CIMIP6: variants seen among roughly 807,000 people sequenced by gnomAD.
The protein encoded by CIMIP6 is uncharacterized protein C2orf73.
chr2:54,357,577 CTTTTT>C, the CIMIP6 span, among the ~76,000 whole-genome samples: 2 of 115,658 alleles, frequency 1.7e-5, no homozygotes, highest in Admixed American at 8.9e-5. Context: ...CTCTTACGTA[CTTTTT>C]TTTTTTTTTT....
At chr2:54,344,008 T>C in the CIMIP6 span, 2 of 825,848 alleles carry the variant, frequency 2.4e-6, no homozygotes, top group Non-Finnish European at 1.7e-6. Context: ...ACACAGCAAA[T>C]ACAGCCCTTG....
chr2:54,369,500 A>G, the CIMIP6 span, among the ~76,000 whole-genome samples: 1 of 152,218 alleles, frequency 6.6e-6, no homozygotes, highest in South Asian at 2.1e-4. Context: ...TCACATTAAG[A>G]AAGAAAACTG....
At chr2:54,372,810 G>T in the CIMIP6 span, among the ~76,000 whole-genome samples, 1 of 152,208 alleles carries the variant, frequency 6.6e-6, no homozygotes, top group Admixed American at 6.5e-5. Flanking sequence ...TAACAAAGTG[G>T]TGGTGTTTGC....
chr2:54,354,178 T>C, the CIMIP6 span, among the ~76,000 whole-genome samples: 1,179 of 152,290 alleles, frequency 7.7e-3, 21 homozygotes, highest in African/African-American at 0.027. Context: ...TGAGTTTGTC[T>C]GCAAGCTCTC....
the CIMIP6 span, among the ~76,000 whole-genome samples, chr2:54,357,534 T>C: frequency 6.6e-6 from 1 of 151,656 alleles, no homozygotes; most frequent in African/African-American, 2.4e-5. Flanking sequence ...GTTTGTTACA[T>C]AGCATTTCAC....
At chr2:54,364,704 A>G in the CIMIP6 span, among the ~76,000 whole-genome samples, 46,480 of 152,108 alleles carry the variant, frequency 0.31, 7,710 homozygotes, top group Non-Finnish European at 0.38. Context: ...AGAAGTATCA[A>G]GACAAATAAC....
chr2:54,341,179 T>C, the CIMIP6 span, among the ~76,000 whole-genome samples: 1 of 152,162 alleles, frequency 6.6e-6, no homozygotes, highest in East Asian at 1.9e-4. Flanking sequence ...TGAATGTTTG[T>C]CCCCTCCAAA....
the CIMIP6 span, among the ~76,000 whole-genome samples, chr2:54,379,258 C>G: frequency 6.6e-6 from 1 of 152,220 alleles, no homozygotes; most frequent in Non-Finnish European, 1.5e-5. Flanking sequence ...CTGCCCCTAA[C>G]AATGCCTCCT....
At chr2:54,377,443 ATTTATATAG>A in the CIMIP6 span, among the ~76,000 whole-genome samples, 1 of 152,018 alleles carries the variant, frequency 6.6e-6, no homozygotes, top group South Asian at 2.1e-4. Context: ...TATTTATATA[ATTTATATAG>A]TTTATATAGT....
the CIMIP6 span, among the ~76,000 whole-genome samples, chr2:54,353,336 G>A: frequency 6.6e-6 from 1 of 152,122 alleles, no homozygotes; most frequent in Non-Finnish European, 1.5e-5. Context: ...TGGCAGGGGT[G>A]CATAATTCAC....
chr2:54,357,204 T>C, the CIMIP6 span, among the ~76,000 whole-genome samples: 6 of 152,194 alleles, frequency 3.9e-5, no homozygotes, highest in Non-Finnish European at 8.8e-5. Flanking sequence ...AAGATTGCCA[T>C]TTTGTAACAT....
chr2:54,362,730 A>G, the CIMIP6 span, among the ~76,000 whole-genome samples: 1 of 152,206 alleles, frequency 6.6e-6, no homozygotes, highest in Middle Eastern at 3.4e-3. Flanking sequence ...TATTTTTAGT[A>G]TAGGCAGGGT....
the CIMIP6 span, chr2:54,358,934 T>C: frequency 5.5e-6 from 7 of 1,265,502 alleles, no homozygotes; most frequent in East Asian, 1.5e-4. Flanking sequence ...TTTTTTGTCC[T>C]GACTTCACAA....
the CIMIP6 span, among the ~76,000 whole-genome samples, chr2:54,362,524 A>C: frequency 6.6e-6 from 1 of 151,902 alleles, no homozygotes; most frequent in Non-Finnish European, 1.5e-5. Flanking sequence ...TCTATCGTCT[A>C]TGTCTCTCAT....
chr2:54,362,422 A>G, the CIMIP6 span, among the ~76,000 whole-genome samples: 6 of 152,156 alleles, frequency 3.9e-5, no homozygotes, highest in African/African-American at 7.2e-5. Context: ...AGAAAATTTT[A>G]TTATGTTGCC....
chr2:54,345,881 T>A, the CIMIP6 span, among the ~76,000 whole-genome samples: 4 of 152,138 alleles, frequency 2.6e-5, no homozygotes, highest in South Asian at 8.3e-4. Flanking sequence ...CATAAAGGGA[T>A]AGAAAAATAA....
the CIMIP6 span, among the ~76,000 whole-genome samples, chr2:54,354,822 G>C: frequency 1.3e-5 from 2 of 150,106 alleles, no homozygotes; most frequent in Non-Finnish European, 3.0e-5. Context: ...CTTTTTTATA[G>C]TATTCACCAG....
chr2:54,360,450 C>G, the CIMIP6 span: 3 of 1,590,940 alleles, frequency 1.9e-6, no homozygotes, highest in Non-Finnish European at 2.6e-6. Context: ...AAGGCATGCC[C>G]CAGCACTCCT....
chr2:54,370,025 A>G, the CIMIP6 span, among the ~76,000 whole-genome samples: 3 of 152,310 alleles, frequency 2.0e-5, no homozygotes, highest in Non-Finnish European at 2.9e-5. Context: ...TGGGAGGGCG[A>G]GACAGGTGGA....
Sources: allele counts gnomAD v4.1 joint callset (sites outside exome capture counted in the v4.1 genomes callset), GRCh38; gene constraint gnomAD v4.1.1; transcripts MANE v1.5; gene names NCBI Gene and HGNC (gene_info 2026-07-23, HGNC 2026-07-21).